BFSP2: variants seen among roughly 807,000 people sequenced by gnomAD.
BFSP2 encodes phakinin.
Under a neutral mutation model 44.9 loss-of-function variants are expected in BFSP2, and 38 were observed. The observed-to-expected ratio is 0.85, with a 90% CI of 0.65 to 1.11. The LOEUF (loss-of-function observed/expected upper bound fraction) is 1.11, where lower values mean the gene tolerates loss of function less well. Ranked by LOEUF, BFSP2 falls within the 50% of genes least tolerant of loss-of-function variation. The pLI, the probability that BFSP2 is intolerant of heterozygous loss-of-function variation, is 0.00. For synonymous variants in BFSP2, 197 were observed against 209.9 expected, an observed-to-expected ratio of 0.94 and a Z score of 0.53; for missense variants, 525 against 533.0, an observed-to-expected ratio of 0.99 and a Z score of 0.15.
chr3:133,414,960 CT>C (rs1559959482), intron 1 of BFSP2, among the ~76,000 whole-genome samples: 1 of 142,288 alleles, frequency 7.0e-6, no homozygotes, highest in Non-Finnish European at 1.5e-5. Context: ...GCCATCTCCC[CT>C]CTACTCACCC....
In BFSP2 at chr3:133,434,867, CT is replaced by C. The variant is rs1005951336; in HGVS notation, c.490-12449del. 4.9e-4 allele frequency among the ~76,000 whole-genome samples: 75 copies of C among 152,022 alleles called. 2 individuals are homozygous for C. The highest frequency in any genetic ancestry group is 1.7e-3 in the African/African-American group (71 of 41,470). On this transcript the variant is annotated intron_variant, in intron 1 of 6. Coordinates refer to ENST00000302334, the MANE Select transcript of BFSP2 (RefSeq NM_003571.4). ...CAAATCTTATAAAACGGCCCCACCC[CT>C]ATCTCCCTTCGCTGACTCTTTTCGG...
At chr3:133,409,702 A>G (rs2073432806) in intron 1 of BFSP2, among the ~76,000 whole-genome samples, 1 of 152,232 alleles carries the variant, frequency 6.6e-6, no homozygotes, top group African/African-American at 2.4e-5. Flanking sequence ...AATTCAAAGA[A>G]GCTCCCACTA....
chr3:133,468,826 A>G (rs941183987), intron 5 of BFSP2, among the ~76,000 whole-genome samples: 2 of 152,224 alleles, frequency 1.3e-5, no homozygotes, highest in Non-Finnish European at 2.9e-5. Flanking sequence ...TGGAGTGGAG[A>G]TAATTGTTGT....
intron 1 of BFSP2, chr3:133,410,495 T>C (rs958742943): frequency 3.6e-6 from 1 of 280,260 alleles, no homozygotes; most frequent in Non-Finnish European, 7.4e-6. Flanking sequence ...CCAGCTCTCA[T>C]GGGAATGATC....
intron 4 of BFSP2, among the ~76,000 whole-genome samples, chr3:133,453,192 T>A (rs1413059974): frequency 6.6e-6 from 1 of 152,238 alleles, no homozygotes; most frequent in Admixed American, 6.5e-5. Flanking sequence ...AATAAATAGT[T>A]TTGTCAGTTG....
chr3:133,402,643 CTTT>C (rs1316696114), intron 1 of BFSP2, among the ~76,000 whole-genome samples: 8 of 140,462 alleles, frequency 5.7e-5, no homozygotes, highest in Non-Finnish European at 3.1e-5. Context: ...GTTATTATTT[CTTT>C]TTTTTTTTTT....
chr3:133,452,819 G>A (rs1049756312), intron 4 of BFSP2, among the ~76,000 whole-genome samples: 7 of 152,144 alleles, frequency 4.6e-5, no homozygotes, highest in Middle Eastern at 3.4e-3. Context: ...GCCCTCCTGC[G>A]GTGTGCACCA....
intron 1 of BFSP2, among the ~76,000 whole-genome samples, chr3:133,433,451 C>T (rs2073748085): frequency 6.6e-6 from 1 of 152,110 alleles, no homozygotes; most frequent in African/African-American, 2.4e-5. Context: ...TTATTCAGGC[C>T]CCCTCCCTTT....
At chr3:133,427,652 A>C (rs1056041032) in intron 1 of BFSP2, among the ~76,000 whole-genome samples, 1 of 152,236 alleles carries the variant, frequency 6.6e-6, no homozygotes, top group African/African-American at 2.4e-5. Context: ...TGATTCTTCC[A>C]GTAGGACATC....
At chr3:133,413,952 G>A (rs533464649) in intron 1 of BFSP2, among the ~76,000 whole-genome samples, 16 of 151,772 alleles carry the variant, frequency 1.1e-4, no homozygotes, top group Admixed American at 7.2e-4. Flanking sequence ...AAAGTCCCCT[G>A]CTGAATGTAA....
chr3:133,426,832 A>T (rs970047830), intron 1 of BFSP2, among the ~76,000 whole-genome samples: 1 of 152,358 alleles, frequency 6.6e-6, no homozygotes, highest in African/African-American at 2.4e-5. Flanking sequence ...TGATATGGGC[A>T]TGTGCCTCCA....
intron 6 of BFSP2, among the ~76,000 whole-genome samples, chr3:133,474,007 C>T (rs368551786): frequency 5.3e-5 from 8 of 152,306 alleles, no homozygotes; most frequent in African/African-American, 1.9e-4. Context: ...CTTTTCCAGA[C>T]TCCATAGTGG....
intron 1 of BFSP2, among the ~76,000 whole-genome samples, chr3:133,417,092 CTCTCCCCTCTACTCACCCCTGCCT>C (rs1442333416): frequency 1.4e-5 from 2 of 142,914 alleles, no homozygotes. Flanking sequence ...CAGCCCTGCC[CTCTCCCCTCTACTCACCCCTGCCT>C]TCTCCCCTCT....
At chr3:133,414,841 CTGCCCTCTTCCA>C in intron 1 of BFSP2, among the ~76,000 whole-genome samples, 3 of 122,014 alleles carry the variant, frequency 2.5e-5, no homozygotes, top group Non-Finnish European at 3.4e-5. Context: ...CTATTCACCC[CTGCCCTCTTCCA>C]TCTACTCACA....
intron 5 of BFSP2, among the ~76,000 whole-genome samples, chr3:133,471,453 C>T (rs2074160894): frequency 6.6e-6 from 1 of 152,172 alleles, no homozygotes; most frequent in South Asian, 2.1e-4. Context: ...TGGGTTCACC[C>T]GTTGAAGCAT....
At chr3:133,415,617 C>A (rs545218245) in intron 1 of BFSP2, among the ~76,000 whole-genome samples, 22 of 117,078 alleles carry the variant, frequency 1.9e-4, no homozygotes, top group Admixed American at 1.9e-3. Flanking sequence ...CCCCTCTACT[C>A]ATCCCTGCCC....
intron 1 of BFSP2, among the ~76,000 whole-genome samples, chr3:133,425,403 C>A (rs1040552129): frequency 6.6e-6 from 1 of 152,182 alleles, no homozygotes; most frequent in Non-Finnish European, 1.5e-5. Context: ...GTTACAAATG[C>A]AGCTTTGGTT....
At chr3:133,440,474 G>A (rs2073834452) in intron 1 of BFSP2, among the ~76,000 whole-genome samples, 1 of 152,148 alleles carries the variant, frequency 6.6e-6, no homozygotes. Flanking sequence ...AAACTCATCT[G>A]ACATAAACAA....
At chr3:133,459,665 G>A (rs1450924567) in intron 4 of BFSP2, among the ~76,000 whole-genome samples, 6 of 152,228 alleles carry the variant, frequency 3.9e-5, no homozygotes, top group Non-Finnish European at 2.9e-5. Flanking sequence ...CCGCTGAGGA[G>A]AGCCCATGTT....
Sources: allele counts gnomAD v4.1 joint callset (sites outside exome capture counted in the v4.1 genomes callset), GRCh38; gene constraint gnomAD v4.1.1; transcripts MANE v1.5; gene names NCBI Gene and HGNC (gene_info 2026-07-23, HGNC 2026-07-21).